RFX7: variants seen among roughly 807,000 people sequenced by gnomAD.
The protein encoded by RFX7 is regulatory factor X7.
Under a neutral mutation model 111.8 loss-of-function variants are expected in RFX7, and 26 were observed. The ratio of observed to expected loss-of-function variants is 0.23; its 90% CI spans 0.17 to 0.32. The LOEUF is 0.32. Ranked by LOEUF, RFX7 falls within the 10% of genes least tolerant of loss-of-function variation. The pLI is 1.00. For missense variants in RFX7, 1,573 were observed against 1,772.9 expected (o/e 0.89, Z 2.02); for synonymous variants, 624 against 624.4 (o/e 1.00, Z 0.01).
chr15:56,174,538 A>G (rs1292982886), intron 3 of RFX7, among the ~76,000 whole-genome samples: 2 of 152,048 alleles, frequency 1.3e-5, no homozygotes, highest in African/African-American at 4.8e-5. Context: ...CATGAGGTCA[A>G]GAGATCGAGA....
intron 5 of RFX7, among the ~76,000 whole-genome samples, chr15:56,117,145 C>A (rs1481548596): frequency 6.6e-6 from 1 of 152,100 alleles, no homozygotes; most frequent in African/African-American, 2.4e-5. Context: ...AACTTATAAT[C>A]TGTATATATT....
intron 3 of RFX7, among the ~76,000 whole-genome samples, chr15:56,149,612 TC>T (rs1483745688): frequency 2.6e-5 from 4 of 151,962 alleles, no homozygotes; most frequent in African/African-American, 9.7e-5. Context: ...CGGGGAATTT[TC>T]CCCCCTACCC....
chr15:56,223,452 T>C (rs2043447327), intron 2 of RFX7, among the ~76,000 whole-genome samples: 1 of 152,168 alleles, frequency 6.6e-6, no homozygotes. Flanking sequence ...CTCCTAAGGA[T>C]CATAGCCCTA....
intron 3 of RFX7, among the ~76,000 whole-genome samples, chr15:56,147,879 C>G (rs1326755467): frequency 2.0e-5 from 3 of 152,210 alleles, no homozygotes; most frequent in Non-Finnish European, 2.9e-5. Flanking sequence ...AGCCTAAAAA[C>G]TCTAATTTTT....
In RFX7 at chr15:56,095,971, C is replaced by A; in HGVS notation, c.1757G>T (p.Gly586Val). The A allele has an allele frequency of 6.2e-7, 1 of 1,610,612 alleles. No individual in the cohort carries two copies. The highest frequency in any genetic ancestry group is 8.5e-7 in the Non-Finnish European group (1 of 1,179,586). Residue 586 changes from glycine to valine, a missense_variant, in exon 10 of 10, where the codon GGT (glycine) becomes GTT (valine). By Grantham distance (109) the Gly-to-Val change is moderately radical (BLOSUM62 -3). This residue lies in a region of RFX7 where 625 missense variants were observed against 632.2 expected (regional missense o/e 0.99). Transcript: ENST00000559447. ...DGALQKPSNE[G>V]VIEIKATKVC... ...CTTAGTTGCTTTTATTTCAATGACA[C>A]CTTCATTTGAAGGTTTCTGCAGTGC...
chr15:56,107,229 G>A (rs1426997550), intron 5 of RFX7, among the ~76,000 whole-genome samples: 11 of 144,050 alleles, frequency 7.6e-5, no homozygotes, highest in East Asian at 6.2e-4. Context: ...CCCAGGAGGC[G>A]GAGCTTGCAG....
intron 2 of RFX7, among the ~76,000 whole-genome samples, chr15:56,234,919 T>C (rs1477147340): frequency 6.6e-6 from 1 of 152,094 alleles, no homozygotes; most frequent in Non-Finnish European, 1.5e-5. Flanking sequence ...TCTAAACTAC[T>C]GAAAAAAATT....
intron 2 of RFX7, among the ~76,000 whole-genome samples, chr15:56,224,024 CTT>C (rs61411594): frequency 2.1e-5 from 3 of 145,854 alleles, no homozygotes; most frequent in Non-Finnish European, 1.5e-5. Context: ...AATAAGCAGT[CTT>C]TTTTTTTTTT....
chr15:56,123,714 G>A (rs1460700180), intron 5 of RFX7, among the ~76,000 whole-genome samples: 5 of 152,232 alleles, frequency 3.3e-5, no homozygotes, highest in Admixed American at 1.3e-4. Flanking sequence ...TTAGCCTGCA[G>A]TGGTGAGGCT....
intron 2 of RFX7, among the ~76,000 whole-genome samples, chr15:56,210,938 A>G (rs932034464): frequency 2.0e-5 from 3 of 152,128 alleles, no homozygotes; most frequent in Admixed American, 6.5e-5. Flanking sequence ...AATGCTGGAA[A>G]TCAAAGACGG....
intron 2 of RFX7, among the ~76,000 whole-genome samples, chr15:56,231,927 T>G (rs1221622792): frequency 6.6e-6 from 1 of 152,130 alleles, no homozygotes; most frequent in African/African-American, 2.4e-5. Context: ...CAGTCAAATT[T>G]TAAAGCTCCA....
chr15:56,143,920 A>C (rs1460639405), intron 4 of RFX7, among the ~76,000 whole-genome samples: 1 of 152,168 alleles, frequency 6.6e-6, no homozygotes, highest in Non-Finnish European at 1.5e-5. Context: ...TATAATTTTT[A>C]ATGATGAAAC....
chr15:56,103,670 C>A lies in RFX7; in HGVS notation c.402G>T (p.Lys134Asn). 1 of 1,572,596 alleles carries A rather than the reference C, an allele frequency of 6.4e-7. No individual in the cohort carries two copies. Residue 134 changes from lysine to asparagine, a missense_variant and splice_region_variant, in exon 6 of 10, where the codon AAG becomes AAT. Coordinates refer to ENST00000559447, the MANE Select transcript of RFX7 (RefSeq NM_022841.7). ...LPKQEVYDEY[K>N]SYCDNLGYHP... ...GGTAACCAAGATTGTCACAATAGCT[C>A]CTGCAAAAGAAGGAAGGACCAATTT...
chr15:56,095,946 C>G lies in RFX7; in HGVS notation c.1782G>C (p.Lys594Asn), dbSNP rs768479953. Reference sequence around the variant, plus strand: ...TACATTTGGTCCTCTGGTCACAGACCTTAGTTGCTTTTATTTCAATGACAC... The same window carrying G: ...TACATTTGGTCCTCTGGTCACAGACGTTAGTTGCTTTTATTTCAATGACAC... ...NEGVIEIKAT[K>N]VCDQRTKCKS... The change falls in exon 10 of 10, where the codon AAG (lysine) becomes AAC (asparagine). Residue 594 changes from lysine (K) to asparagine (N), a missense_variant. By Grantham distance (94) the Lys-to-Asn change is moderately conservative (BLOSUM62 0). Coordinates refer to ENST00000559447, the MANE Select transcript of RFX7 (RefSeq NM_022841.7). 3 of 1,607,570 alleles carry G rather than the reference C, an allele frequency of 1.9e-6. No homozygotes were observed. The highest frequency in any genetic ancestry group is 2.5e-6 in the Non-Finnish European group (3 of 1,179,726).
chr15:56,225,289 T>C (rs1434403085), intron 2 of RFX7, among the ~76,000 whole-genome samples: 14 of 152,170 alleles, frequency 9.2e-5, no homozygotes, highest in Admixed American at 9.2e-4. Flanking sequence ...TAACAAACAC[T>C]GTACAACTGA....
chr15:56,180,194 A>T (rs1464915432), intron 2 of RFX7, among the ~76,000 whole-genome samples: 2 of 152,200 alleles, frequency 1.3e-5, no homozygotes, highest in African/African-American at 4.8e-5. Context: ...ATGTAGCCAT[A>T]CAGCTAAGCT....
chr15:56,217,065 C>G (rs1163668857), intron 2 of RFX7, among the ~76,000 whole-genome samples: 1 of 152,106 alleles, frequency 6.6e-6, no homozygotes, highest in Non-Finnish European at 1.5e-5. Context: ...AAGAATAGTA[C>G]AACCAAAAAC....
rs181629324 is a variant in RFX7 at position 56,160,416 on chromosome 15, A to T, written c.196-15933T>A. Among the ~76,000 whole-genome samples, 95 of 152,136 alleles carry T rather than the reference A, an allele frequency of 6.2e-4. No homozygotes were observed. The East Asian group carries it at 0.013, about 20-fold the overall frequency. On this transcript the variant is annotated intron_variant, in intron 3 of 9. Transcript: ENST00000559447. ...AGTCAGCTTAAATTCCAGAAACCTAAATAATCAAGTTTAACTGTTTCTTCA... is the reference window on the plus strand; with the variant it reads ...AGTCAGCTTAAATTCCAGAAACCTATATAATCAAGTTTAACTGTTTCTTCA...
intron 3 of RFX7, among the ~76,000 whole-genome samples, chr15:56,174,639 C>T (rs576277993): frequency 2.0e-5 from 3 of 151,604 alleles, no homozygotes; most frequent in East Asian, 2.0e-4. Flanking sequence ...CCCAGCTACT[C>T]GGGAGGCTGA....
Sources: allele counts gnomAD v4.1 joint callset (sites outside exome capture counted in the v4.1 genomes callset), GRCh38; gene constraint gnomAD v4.1.1; regional missense constraint gnomAD v4.1.1; transcripts MANE v1.5; gene names NCBI Gene and HGNC (gene_info 2026-07-23, HGNC 2026-07-21).